NREP: variants seen among roughly 807,000 people sequenced by gnomAD.
The protein encoded by NREP is neuronal regeneration related protein.
A neutral mutation model predicts 8.6 loss-of-function variants in NREP; 5 were observed. The observed-to-expected ratio is 0.58, with a 90% CI of 0.30 to 1.22. NREP has a LOEUF of 1.22. Among genes scored for constraint, NREP ranks in the 50% most tolerant of loss-of-function variants. The pLI is 0.07. For synonymous variants in NREP, 27 were observed against 28.0 expected (o/e 0.96, Z 0.11); for missense variants, 86 against 82.5 (o/e 1.04, Z -0.17).
At chr5:111,762,802 CTAAT>C (rs1192717876) in intron 2 of NREP, among the ~76,000 whole-genome samples, 3 of 152,108 alleles carry the variant, frequency 2.0e-5, no homozygotes, top group Admixed American at 2.0e-4. Context: ...CCGTGGGAAA[CTAAT>C]AGACCGCCCT....
chr5:111,849,416 T>C (rs907656307), intron 2 of NREP, among the ~76,000 whole-genome samples: 4 of 152,134 alleles, frequency 2.6e-5, no homozygotes, highest in African/African-American at 7.2e-5. Context: ...AGCAGGGTTA[T>C]ACTTATGAGA....
At chr5:111,932,568 T>C (rs1300377631) in intron 2 of NREP, among the ~76,000 whole-genome samples, 2 of 152,130 alleles carry the variant, frequency 1.3e-5, no homozygotes, top group African/African-American at 2.4e-5. Context: ...TCCAGACATA[T>C]AGATTAGTTT....
intron 2 of NREP, among the ~76,000 whole-genome samples, chr5:111,752,322 C>A (rs141020587): frequency 2.0e-4 from 30 of 152,282 alleles, no homozygotes; most frequent in African/African-American, 6.3e-4. Flanking sequence ...TAGACTATCC[C>A]AACTGTCCTA....
chr5:111,890,522 CT>C (rs1232507537), intron 2 of NREP, among the ~76,000 whole-genome samples: 1 of 152,188 alleles, frequency 6.6e-6, no homozygotes, highest in African/African-American at 2.4e-5. Flanking sequence ...ATGCACTGCC[CT>C]AATAGAGGTT....
In NREP at chr5:111,858,115, G is replaced by A. The variant is rs568744985; in HGVS notation, c.135+117159C>T. On this transcript the variant is annotated intron_variant, in intron 2 of 3. Transcript: ENST00000395634. Reference sequence around the variant, plus strand: ...TACAACCAGCATCATCAACGTTGCCGGGAACTTGATAGAAATGCTCATTTT... The same window carrying A: ...TACAACCAGCATCATCAACGTTGCCAGGAACTTGATAGAAATGCTCATTTT... 1.6e-4 allele frequency among the ~76,000 whole-genome samples: 25 copies of A among 152,172 alleles called. No individual in the cohort carries two copies. The South Asian group carries it at 3.3e-3, about 20-fold the overall frequency.
chr5:111,859,021 C>T (rs965120443), intron 2 of NREP, among the ~76,000 whole-genome samples: 2 of 152,138 alleles, frequency 1.3e-5, no homozygotes, highest in Admixed American at 1.3e-4. Flanking sequence ...CTTTTCCCTT[C>T]TACTCCACAG....
intron 2 of NREP, among the ~76,000 whole-genome samples, chr5:111,901,973 A>G (rs1754657576): frequency 6.6e-6 from 1 of 152,156 alleles, no homozygotes; most frequent in Non-Finnish European, 1.5e-5. Flanking sequence ...TGGAACCACA[A>G]AAGACCCCAA....
chr5:111,817,854 G>A (rs1249313806), intron 2 of NREP, among the ~76,000 whole-genome samples: 1 of 145,710 alleles, frequency 6.9e-6, no homozygotes, highest in Non-Finnish European at 1.5e-5. Context: ...ATATGTGTAT[G>A]TATACACACA....
At chr5:111,953,174 C>T (rs1469465146) in intron 2 of NREP, among the ~76,000 whole-genome samples, 11 of 151,940 alleles carry the variant, frequency 7.2e-5, no homozygotes, top group African/African-American at 2.7e-4. Flanking sequence ...TTCTTTCAAC[C>T]AATTTCCTTC....
At chr5:111,864,637 G>C (rs1321460899) in intron 2 of NREP, among the ~76,000 whole-genome samples, 2 of 152,030 alleles carry the variant, frequency 1.3e-5, no homozygotes, top group African/African-American at 2.4e-5. Flanking sequence ...AAAAAAGTTT[G>C]AGAAACACTG....
chr5:111,760,834 C>G (rs1750944070), upstream of NREP, among the ~76,000 whole-genome samples: 1 of 152,208 alleles, frequency 6.6e-6, no homozygotes, highest in South Asian at 2.1e-4. Flanking sequence ...TAGTCCCTCA[C>G]AGGATTTGCT....
In NREP at chr5:111,757,142, A is replaced by G. The variant is rs1392471209; in HGVS notation, c.-65T>C. 3 of 968,530 alleles carry G rather than the reference A, an allele frequency of 3.1e-6. No homozygotes were observed. The highest frequency in any genetic ancestry group is 3.7e-6 in the Non-Finnish European group (3 of 815,762). 60.0% of individuals were successfully genotyped at this position (968,530 alleles called of 1,614,324 possible). Reference sequence around the variant, plus strand: ...AGGAATGGCATATACTTACAGACAAAAGCCCCGCTCCCTGTTCACTCTCTC... The same window carrying G: ...AGGAATGGCATATACTTACAGACAAGAGCCCCGCTCCCTGTTCACTCTCTC... On this transcript the variant is annotated 5_prime_UTR_variant, in exon 1 of 4. Transcript: ENST00000257435.
At chr5:111,751,569 C>G (rs1056704839) in intron 2 of NREP, among the ~76,000 whole-genome samples, 2 of 152,022 alleles carry the variant, frequency 1.3e-5, no homozygotes, top group African/African-American at 2.4e-5. Flanking sequence ...AGTAGAGGAG[C>G]CTTTAAAATT....
chr5:111,854,615 C>T (rs1753384907), intron 2 of NREP, among the ~76,000 whole-genome samples: 1 of 152,158 alleles, frequency 6.6e-6, no homozygotes, highest in Non-Finnish European at 1.5e-5. Flanking sequence ...AGTGGTTTTC[C>T]AGAGCTGAAA....
At chr5:111,783,027 C>A (rs1019850718) in intron 2 of NREP, among the ~76,000 whole-genome samples, 1 of 152,160 alleles carries the variant, frequency 6.6e-6, no homozygotes, top group African/African-American at 2.4e-5. Flanking sequence ...GTCACTGTGC[C>A]TGGCCCCACA....
At chr5:111,881,279 T>C (rs1754059044) in intron 2 of NREP, among the ~76,000 whole-genome samples, 1 of 151,878 alleles carries the variant, frequency 6.6e-6, no homozygotes, top group Admixed American at 6.6e-5. Context: ...GGGGGAGGGG[T>C]GCCCACCATT....
chr5:111,863,523 T>C (rs1753598324), intron 2 of NREP, among the ~76,000 whole-genome samples: 1 of 151,840 alleles, frequency 6.6e-6, no homozygotes, highest in Non-Finnish European at 1.5e-5. Flanking sequence ...ATAACATAAA[T>C]AAGAGAAAAG....
At chr5:111,757,786 C>G, upstream of NREP, 1 of 976,024 alleles carries the variant, frequency 1.0e-6, no homozygotes, top group Non-Finnish European at 1.2e-6. Flanking sequence ...CCCGGCCAGC[C>G]TCTCCGCCTC....
chr5:111,915,047 G>A (rs1411019660), intron 2 of NREP, among the ~76,000 whole-genome samples: 3 of 152,050 alleles, frequency 2.0e-5, no homozygotes, highest in African/African-American at 7.2e-5. Context: ...GAATCCCTTT[G>A]ACTATTTCTG....
Sources: allele counts gnomAD v4.1 joint callset (sites outside exome capture counted in the v4.1 genomes callset), GRCh38; gene constraint gnomAD v4.1.1; transcripts MANE v1.5; gene names NCBI Gene and HGNC (gene_info 2026-07-23, HGNC 2026-07-21).